GID8: variants seen among roughly 807,000 people sequenced by gnomAD.
The protein encoded by GID8 is GID complex subunit 8 homolog.
Under a neutral mutation model 27.4 loss-of-function variants are expected in GID8, and 6 were observed. The ratio of observed to expected loss-of-function variants is 0.22; its 90% CI spans 0.12 to 0.43. The LOEUF is 0.43. GID8 is among the 20% of genes least tolerant of loss of function. The pLI, the probability that GID8 is intolerant of heterozygous loss-of-function variation, is 1.00. For missense variants in GID8, 173 were observed against 287.6 expected (o/e 0.60, Z 2.88); for synonymous variants, 112 against 109.0 (o/e 1.03, Z -0.17).
rs1414703567 is a variant in GID8 at position 62,945,187 on chromosome 20, C to T, written c.*275C>T. On this transcript the variant is annotated 3_prime_UTR_variant, in exon 5 of 5. Transcript: ENST00000266069. ...GGTTGCGGTTTGCTCTTCCAGTGTT[C>T]GGGGGCCTCTGGCTGCTGAAGGATT... 6 of 1,201,222 alleles carry T rather than the reference C, an allele frequency of 5.0e-6. No individual in the cohort carries two copies. Among genetic ancestry groups the T allele is most frequent in the South Asian group, 4.9e-5 (2 of 41,024 alleles). 74.4% of individuals were successfully genotyped at this position (1,201,222 alleles called of 1,614,324 possible).
rs2065443551 is a variant in GID8 at position 62,941,492 on chromosome 20, A to C, written c.-11A>C. 3 of 1,539,170 alleles carry C rather than the reference A, an allele frequency of 1.9e-6. No individual in the cohort carries two copies. The highest frequency in any genetic ancestry group is 1.8e-6 in the Non-Finnish European group (2 of 1,111,854). On this transcript the variant is annotated splice_region_variant and 5_prime_UTR_variant, in exon 2 of 5. Coordinates refer to ENST00000266069, the MANE Select transcript of GID8 (RefSeq NM_017896.3). ...TCAGCTGTTATTTTTTTCCTGTAGA[A>C]ATAAATCAGAATGAGTTATGCAGAA...
Position 62,943,718 on chromosome 20 carries a change from CT to C in GID8, c.513+28del. ...GTGGGGCCTGCCAGAGGGAAGCTTT[CT>C]TCCATTCCCCATGTGCTCTGAGGGG... On this transcript the variant is annotated intron_variant, in intron 4 of 4. Transcript: ENST00000266069. This position sits in a 1 kb window ranked among gnomAD's most constrained non-coding sequence, Gnocchi z 4.7. The C allele has an allele frequency of 6.3e-7, 1 of 1,575,768 alleles. No individual in the cohort carries two copies. Among genetic ancestry groups the C allele is most frequent in the Non-Finnish European group, 8.7e-7 (1 of 1,146,260 alleles).
Position 62,945,783 on chromosome 20 carries a change from A to C in GID8, c.*871A>C, listed in dbSNP as rs1207313464. On this transcript the variant is annotated 3_prime_UTR_variant, in exon 5 of 5. Transcript: ENST00000266069. ...GCCCTGTGCTGAGTGAGCGGCCTTC[A>C]TTAGAGCGAGGCAGCCCTTGGCCGG... 2.4e-6 allele frequency: 3 copies of C among 1,275,280 alleles called. No homozygotes were observed. Among genetic ancestry groups the C allele is most frequent in the Middle Eastern group, 2.2e-4 (1 of 4,512 alleles). 79.0% of individuals were successfully genotyped at this position (1,275,280 alleles called of 1,614,324 possible). A position where few individuals can be genotyped will look rare whatever the true frequency, so the allele number is the denominator to read the frequency against.
At chr20:62,940,596 G>A (rs1243857935) in intron 1 of GID8, among the ~76,000 whole-genome samples, 1 of 151,972 alleles carries the variant, frequency 6.6e-6, no homozygotes, top group African/African-American at 2.4e-5. Flanking sequence ...TGATCCGCCC[G>A]CCTCGGCCTC....
In GID8 at chr20:62,948,472, A is replaced by G. The variant is rs2065475605; in HGVS notation, c.*3560A>G. The G allele has an allele frequency of 6.6e-6, 1 of 152,236 alleles. No homozygotes were observed. The highest frequency in any genetic ancestry group is 1.5e-5 in the Non-Finnish European group (1 of 68,044). The allele number at this position is 152,236 out of a possible 1,614,324, so 9.4% of individuals were successfully genotyped here. A position where few individuals can be genotyped will look rare whatever the true frequency, so the allele number is the denominator to read the frequency against. On this transcript the variant is annotated 3_prime_UTR_variant, in exon 5 of 5. Coordinates refer to ENST00000266069, the MANE Select transcript of GID8 (RefSeq NM_017896.3). ...CAGTAAAAGTTTTCACATTTTTCTC[A>G]GAACTGTTATCTGGAAGCTCTCTTT... is the stretch of plus-strand genomic sequence containing the variant.
Position 62,943,382 on chromosome 20 carries a change from A to G in GID8, c.316-113A>G. On this transcript the variant is annotated intron_variant, in intron 3 of 4. Transcript: ENST00000266069. This position sits in a 1 kb window ranked among gnomAD's most constrained non-coding sequence, Gnocchi z 4.7. ...AAAATGCAAATTTGATAACTCAGAG[A>G]TGCAAGAAAAGTCTTCCCTCTGTGA... is the stretch of plus-strand genomic sequence containing the variant. 9.2e-7 allele frequency: 1 copy of G among 1,085,990 alleles called. No homozygotes were observed. Among genetic ancestry groups the G allele is most frequent in the Non-Finnish European group, 1.4e-6 (1 of 736,874 alleles). The allele number at this position is 1,085,990 out of a possible 1,614,324, so 67.3% of individuals were successfully genotyped here.
intron 2 of GID8, 139 bp from the exon 3 acceptor site, chr20:62,942,848 T>C (rs1273577689): frequency 6.5e-6 from 4 of 618,846 alleles, no homozygotes; most frequent in African/African-American, 1.8e-5. Flanking sequence ...ATTATAAAGA[T>C]ATTAATACCG....
At position 62,941,664 on chromosome 20, in the gene GID8, C is replaced by G. The variant is rs371770923; in HGVS notation, c.118+44C>G. 2.8e-6 allele frequency: 3 copies of G among 1,081,344 alleles called. No homozygotes were observed. In the African/African-American group the frequency reaches 4.6e-5, roughly 17 times the overall value. 67.0% of individuals were successfully genotyped at this position (1,081,344 alleles called of 1,614,324 possible). On this transcript the variant is annotated intron_variant, in intron 2 of 4. Coordinates refer to ENST00000266069, the MANE Select transcript of GID8 (RefSeq NM_017896.3). ...GATGCTGTTGCATGAATGTGATTCTCCCTTTTTGAACACATAAGGAGTGCT... is the reference window on the plus strand; with the variant it reads ...GATGCTGTTGCATGAATGTGATTCTGCCTTTTTGAACACATAAGGAGTGCT...
rs762141433 is a variant in GID8, at chr20:62,945,545, G to A, written c.*633G>A. 7 of 1,086,800 alleles carry A rather than the reference G, an allele frequency of 6.4e-6. No homozygotes were observed. Among genetic ancestry groups the A allele is most frequent in the African/African-American group, 1.7e-5 (1 of 59,468 alleles). 67.3% of individuals were successfully genotyped at this position (1,086,800 alleles called of 1,614,324 possible). On this transcript the variant is annotated 3_prime_UTR_variant, in exon 5 of 5. Transcript: ENST00000266069. ...TTTTAAATATATATTTTGGTGCTGTGTGTGGTAAGAGACTTGTTCCTAGTG... is the reference window on the plus strand; with the variant it reads ...TTTTAAATATATATTTTGGTGCTGTATGTGGTAAGAGACTTGTTCCTAGTG...
At position 62,946,052 on chromosome 20, in the gene GID8, G is replaced by A. The variant is rs539784795; in HGVS notation, c.*1140G>A. 5.7e-5 allele frequency: 73 copies of A among 1,281,800 alleles called. No individual in the cohort carries two copies. Among genetic ancestry groups the A allele is most frequent in the South Asian group, 1.6e-4 (13 of 80,870 alleles). 79.4% of individuals were successfully genotyped at this position (1,281,800 alleles called of 1,614,324 possible). On this transcript the variant is annotated 3_prime_UTR_variant, in exon 5 of 5. Transcript: ENST00000266069. The stretch of plus-strand genomic sequence containing the variant: ...GGACAGTTGATGGGCACATGGCCTT[G>A]TAGCTCTGGGCACAGATGTGTTTGG...
In GID8 at chr20:62,947,156, T is replaced by TA. The variant is rs149965918; in HGVS notation, c.*2245dup. The TA allele has an allele frequency of 0.027, 4,061 of 152,244 alleles. 69 individuals are homozygous for TA. Among genetic ancestry groups the TA allele is most frequent in the African/African-American group, 0.035 (1,463 of 41,530 alleles). 9.4% of individuals were successfully genotyped at this position (152,244 alleles called of 1,614,324 possible). ...GGGGAGACTGGGAAGTCTCCAGCGT[T>TA]ACTGCTCTCCTTCCCTTCATGATAA... On this transcript the variant is annotated 3_prime_UTR_variant, in exon 5 of 5. Transcript: ENST00000266069.
chr20:62,939,452 G>C (rs1398538722), intron 1 of GID8, among the ~76,000 whole-genome samples: 1 of 135,140 alleles, frequency 7.4e-6, no homozygotes, highest in African/African-American at 2.8e-5. Context: ...ACTAATTCAT[G>C]TTTTCAGCTC....
Position 62,943,529 on chromosome 20 carries a change from A to G in GID8, c.350A>G (p.Glu117Gly). The change falls in exon 4 of 5, where the codon GAG (glutamate) becomes GGG (glycine). Residue 117 changes from glutamate to glycine, a missense_variant. Transcript: ENST00000266069. The surrounding 1 kb of genome is among the most constrained non-coding windows in gnomAD (Gnocchi z 4.7). The stretch of plus-strand genomic sequence containing the variant: ...TTGATCGAGCTGATCCGCCAGCGGG[A>G]GACAGAGGCGGCGCTGGAGTTTGCA... The part of the protein sequence containing the change: ...QHLIELIRQR[E>G]TEAALEFAQT... The G allele has an allele frequency of 1.2e-6, 2 of 1,612,754 alleles. No homozygotes were observed. The highest frequency in any genetic ancestry group is 3.3e-5 in the Admixed American group (2 of 60,018).
Position 62,946,065 on chromosome 20 carries a change from C to T in GID8, c.*1153C>T, listed in dbSNP as rs1244698413. On this transcript the variant is annotated 3_prime_UTR_variant, in exon 5 of 5. Coordinates refer to ENST00000266069, the MANE Select transcript of GID8 (RefSeq NM_017896.3). ...GCACATGGCCTTGTAGCTCTGGGCACAGATGTGTTTGGATTCATTGCAGCG... is the reference window on the plus strand; with the variant it reads ...GCACATGGCCTTGTAGCTCTGGGCATAGATGTGTTTGGATTCATTGCAGCG... 1 of 1,264,314 alleles carries T rather than the reference C, an allele frequency of 7.9e-7. No homozygotes were observed. The highest frequency in any genetic ancestry group is 1.0e-6 in the Non-Finnish European group (1 of 966,614). 78.3% of individuals were successfully genotyped at this position (1,264,314 alleles called of 1,614,324 possible).
In GID8 at chr20:62,943,708, G is replaced by T; in HGVS notation, c.513+16G>T. 1 of 1,603,506 alleles carries T rather than the reference G, an allele frequency of 6.2e-7. No homozygotes were observed. Among genetic ancestry groups the T allele is most frequent in the South Asian group, 1.1e-5 (1 of 90,822 alleles). ...GAGGCAGAAGGTGGGGCCTGCCAGA[G>T]GGAAGCTTTCTTCCATTCCCCATGT... On this transcript the variant is annotated intron_variant, in intron 4 of 4. Coordinates refer to ENST00000266069, the MANE Select transcript of GID8 (RefSeq NM_017896.3). The surrounding 1 kb of genome is among the most constrained non-coding windows in gnomAD (Gnocchi z 4.7).
At position 62,943,380 on chromosome 20, in the gene GID8, A is replaced by T. The variant is rs2065452097; in HGVS notation, c.316-115A>T. 2.0e-5 allele frequency: 21 copies of T among 1,076,302 alleles called. No homozygotes were observed. In the South Asian group the frequency reaches 2.5e-4, roughly 13 times the overall value. 66.7% of individuals were successfully genotyped at this position (1,076,302 alleles called of 1,614,324 possible). ...TAAAAATGCAAATTTGATAACTCAG[A>T]GATGCAAGAAAAGTCTTCCCTCTGT... On this transcript the variant is annotated intron_variant, in intron 3 of 4. Coordinates refer to ENST00000266069, the MANE Select transcript of GID8 (RefSeq NM_017896.3). The surrounding 1 kb of genome is among the most constrained non-coding windows in gnomAD (Gnocchi z 4.7).
In GID8 at chr20:62,944,926, GT is replaced by G; in HGVS notation, c.*15del. ...GAGCCCAAGTAGCGCCTGCGCTTGC[GT>G]GGTGGATCCAACACCAGCCCTGCGT... On this transcript the variant is annotated 3_prime_UTR_variant, in exon 5 of 5. Coordinates refer to ENST00000266069, the MANE Select transcript of GID8 (RefSeq NM_017896.3). 2 of 1,603,268 alleles carry G rather than the reference GT, an allele frequency of 1.2e-6. No homozygotes were observed. The highest frequency in any genetic ancestry group is 1.7e-6 in the Non-Finnish European group (2 of 1,174,252).
rs949731913 is a variant in GID8 at position 62,945,302 on chromosome 20, A to T, written c.*390A>T. 8 of 1,003,728 alleles carry T rather than the reference A, an allele frequency of 8.0e-6. No homozygotes were observed. The African/African-American group carries it at 1.4e-4, about 17-fold the overall frequency. The allele number at this position is 1,003,728 out of a possible 1,614,324, so 62.2% of individuals were successfully genotyped here. A position where few individuals can be genotyped will look rare whatever the true frequency, so the allele number is the denominator to read the frequency against. On this transcript the variant is annotated 3_prime_UTR_variant, in exon 5 of 5. Transcript: ENST00000266069. ...TCATGATTCTGCTTTCTGTTAGCTT[A>T]GGCAGACATTGGGCCTTCACCTACA... is the stretch of plus-strand genomic sequence containing the variant.
At position 62,946,202 on chromosome 20, in the gene GID8, G is replaced by A. The variant is rs960553060; in HGVS notation, c.*1290G>A. 1.1e-5 allele frequency: 4 copies of A among 362,858 alleles called. No homozygotes were observed. Among genetic ancestry groups the A allele is most frequent in the Non-Finnish European group, 2.1e-5 (4 of 192,370 alleles). 22.5% of individuals were successfully genotyped at this position (362,858 alleles called of 1,614,324 possible). Reference sequence around the variant, plus strand: ...TCCTTTGGAGCCAGTGGAGCCTGCCGGCGCATCTGAGGGGCAGAATGCTGC... The same window carrying A: ...TCCTTTGGAGCCAGTGGAGCCTGCCAGCGCATCTGAGGGGCAGAATGCTGC... On this transcript the variant is annotated 3_prime_UTR_variant, in exon 5 of 5. Coordinates refer to ENST00000266069, the MANE Select transcript of GID8 (RefSeq NM_017896.3).
Sources: allele counts gnomAD v4.1 joint callset (sites outside exome capture counted in the v4.1 genomes callset), GRCh38; gene constraint gnomAD v4.1.1; non-coding constraint Gnocchi (gnomAD v3.1); transcripts MANE v1.5; gene names NCBI Gene and HGNC (gene_info 2026-07-23, HGNC 2026-07-21).